The following CREB5 variants were observed in gnomAD, a reference collection of about 807,000 sequenced individuals.
The protein encoded by CREB5 is cAMP responsive element binding protein 5.
CREB5 carries 19 observed loss-of-function variants against 57.1 expected under a neutral mutation model. The ratio of observed to expected loss-of-function variants is 0.33; its 90% CI spans 0.23 to 0.49. The LOEUF is 0.49. Among genes scored for constraint, CREB5 ranks in the 20% least tolerant of loss-of-function variants. The probability of loss-of-function intolerance (pLI) is 0.99; values close to 1 mark genes in which losing one functional copy is unlikely to be tolerated. For missense variants in CREB5, 579 were observed against 671.6 expected (o/e 0.86, Z 1.52); for synonymous variants, 238 against 238.3 (o/e 1.00, Z 0.01).
intron 1 of CREB5, among the ~76,000 whole-genome samples, chr7:28,376,175 A>G (rs564761682): frequency 6.6e-6 from 1 of 152,218 alleles, no homozygotes; most frequent in Non-Finnish European, 1.5e-5. Flanking sequence ...GAGGCCTGGG[A>G]CTGTGACTTG....
chr7:28,598,536 T>A (rs1796779431), intron 5 of CREB5, among the ~76,000 whole-genome samples: 1 of 152,170 alleles, frequency 6.6e-6, no homozygotes, highest in Admixed American at 6.5e-5. Flanking sequence ...CTTGAAGAAT[T>A]ATAGCAGCTT....
At chr7:28,725,654 A>AG in intron 7 of CREB5, among the ~76,000 whole-genome samples, 1 of 151,508 alleles carries the variant, frequency 6.6e-6, no homozygotes, top group South Asian at 2.1e-4. Context: ...TTAAAAAAAA[A>AG]AAAAAAAAGA....
chr7:28,527,667 A>G (rs1793505077), intron 4 of CREB5, among the ~76,000 whole-genome samples: 1 of 152,146 alleles, frequency 6.6e-6, no homozygotes, highest in African/African-American at 2.4e-5. Context: ...AAAGTTTTTA[A>G]AAAATTAGCC....
intron 4 of CREB5, among the ~76,000 whole-genome samples, chr7:28,560,895 T>TGCGCGC (rs1232211956): frequency 3.7e-5 from 1 of 26,668 alleles, no homozygotes; most frequent in African/African-American, 1.4e-4. Context: ...TGCGTGTGTG[T>TGCGCGC]GCGTGCGCGC....
intron 1 of CREB5, among the ~76,000 whole-genome samples, chr7:28,432,656 C>G (rs758541334): frequency 6.6e-6 from 1 of 151,970 alleles, no homozygotes; most frequent in Non-Finnish European, 1.5e-5. Context: ...TGTTCCTGTC[C>G]GAGTCAGAAA....
At chr7:28,720,110 C>T (rs1194215817) in intron 6 of CREB5, among the ~76,000 whole-genome samples, 3 of 152,082 alleles carry the variant, frequency 2.0e-5, no homozygotes, top group African/African-American at 7.2e-5. Flanking sequence ...GGGAGATACC[C>T]AGTTTTCCAG....
At chr7:28,380,624 A>C (rs930132928) in intron 1 of CREB5, among the ~76,000 whole-genome samples, 1 of 152,208 alleles carries the variant, frequency 6.6e-6, no homozygotes, top group Admixed American at 6.5e-5. Flanking sequence ...GTGGGGAGGC[A>C]GTTCGGAGAA....
At chr7:28,425,138 G>T (rs1788446905) in intron 1 of CREB5, among the ~76,000 whole-genome samples, 1 of 152,032 alleles carries the variant, frequency 6.6e-6, no homozygotes. Flanking sequence ...ATGAAAATAT[G>T]TCCAACATCA....
At chr7:28,495,390 A>T (rs1267816357) in intron 3 of CREB5, among the ~76,000 whole-genome samples, 1 of 151,992 alleles carries the variant, frequency 6.6e-6, no homozygotes, top group African/African-American at 2.4e-5. Flanking sequence ...AAAAATACAA[A>T]AATTAGCCGG....
intron 4 of CREB5, among the ~76,000 whole-genome samples, chr7:28,537,337 C>T (rs936141111): frequency 6.6e-6 from 1 of 151,686 alleles, no homozygotes; most frequent in Non-Finnish European, 1.5e-5. Flanking sequence ...TGAACTTTAC[C>T]ACCAAAACAC....
intron 9 of CREB5, among the ~76,000 whole-genome samples, chr7:28,817,059 T>G (rs1228772721): frequency 6.6e-6 from 1 of 152,174 alleles, no homozygotes; most frequent in Non-Finnish European, 1.5e-5. Context: ...GAATTAATAT[T>G]AACAGATAAA....
intron 5 of CREB5, among the ~76,000 whole-genome samples, chr7:28,621,045 G>A (rs1797772182): frequency 1.3e-5 from 2 of 152,216 alleles, no homozygotes; most frequent in South Asian, 4.2e-4. Flanking sequence ...ATTTCCACAG[G>A]CCTAATATGG....
chr7:28,384,828 C>T (rs910102009), intron 1 of CREB5, among the ~76,000 whole-genome samples: 11 of 152,194 alleles, frequency 7.2e-5, no homozygotes, highest in African/African-American at 2.4e-4. Context: ...TCCTGTGAAA[C>T]TCTTGCCATA....
At chr7:28,784,681 C>G (rs986075511) in intron 7 of CREB5, among the ~76,000 whole-genome samples, 1 of 152,052 alleles carries the variant, frequency 6.6e-6, no homozygotes, top group African/African-American at 2.4e-5. Context: ...AGGAAAGGTT[C>G]GGATATGAGC....
chr7:28,649,747 G>A (rs1172122568), intron 5 of CREB5, among the ~76,000 whole-genome samples: 1 of 152,082 alleles, frequency 6.6e-6, no homozygotes, highest in Non-Finnish European at 1.5e-5. Flanking sequence ...TAGAAATAGA[G>A]GGTGAACAAT....
intron 4 of CREB5, among the ~76,000 whole-genome samples, chr7:28,541,784 T>G (rs1049731387): frequency 1.3e-5 from 2 of 152,246 alleles, no homozygotes; most frequent in Non-Finnish European, 2.9e-5. Flanking sequence ...ACCTGTCATG[T>G]TTATGGTGTT....
intron 5 of CREB5, among the ~76,000 whole-genome samples, chr7:28,715,979 A>C (rs936421725): frequency 6.6e-6 from 1 of 152,194 alleles, no homozygotes; most frequent in African/African-American, 2.4e-5. Context: ...AACCTACCTA[A>C]TAAGAACACT....
At chr7:28,551,024 A>G (rs74917160) in intron 4 of CREB5, among the ~76,000 whole-genome samples, 13,226 of 152,172 alleles carry the variant, frequency 0.087, 639 homozygotes, top group South Asian at 0.13. Context: ...TTTGCTGAGA[A>G]ACACATCTGT....
intron 4 of CREB5, among the ~76,000 whole-genome samples, chr7:28,510,737 C>A (rs1489581809): frequency 1.3e-5 from 2 of 152,122 alleles, no homozygotes; most frequent in Non-Finnish European, 2.9e-5. Context: ...TGGAGAAAGC[C>A]CTCATTATCT....
Sources: gnomAD v4.1 joint callset for allele counts (sites outside exome capture counted in the v4.1 genomes callset) on GRCh38, gnomAD v4.1.1 for gene constraint, MANE v1.5 for transcripts, NCBI Gene and HGNC (gene_info 2026-07-23, HGNC 2026-07-21) for gene names.